The following WDR44 variants were observed in gnomAD, a reference collection of about 807,000 sequenced individuals.
WDR44 encodes WD repeat-containing protein 44.
WDR44 carries 9 observed loss-of-function variants against 65.7 expected under a neutral mutation model. That is an observed-to-expected ratio of 0.14 (90% confidence interval 0.08 to 0.24). The LOEUF is 0.24. Among genes scored for constraint, WDR44 ranks in the 10% least tolerant of loss-of-function variants. The pLI is 1.00. For synonymous variants in WDR44, 220 were observed against 235.2 expected, an observed-to-expected ratio of 0.94 and a Z score of 0.59; for missense variants, 425 against 670.9, an observed-to-expected ratio of 0.63 and a Z score of 4.05.
intron 1 of WDR44, among the ~76,000 whole-genome samples, chrX:118,367,127 A>G (rs1488933715): frequency 8.9e-6 from 1 of 112,212 alleles, no homozygotes; most frequent in Non-Finnish European, 1.9e-5. Context: ...ATTTGCTTCA[A>G]AATAATCTGG....
intron 14 of WDR44, among the ~76,000 whole-genome samples, chrX:118,438,183 C>CGTGA (rs375624628): frequency 1.1e-4 from 12 of 111,111 alleles, no homozygotes; most frequent in African/African-American, 3.9e-4. Context: ...ACCTTTATCA[C>CGTGA]ACACAAAAAA....
intron 12 of WDR44, among the ~76,000 whole-genome samples, chrX:118,412,918 TC>T (rs1169533108): frequency 9.0e-6 from 1 of 111,642 alleles, no homozygotes; most frequent in African/African-American, 3.3e-5. Flanking sequence ...ATAGTTTAGC[TC>T]CCACATATCA....
At chrX:118,364,584 C>T (rs1188571978) in intron 1 of WDR44, among the ~76,000 whole-genome samples, 1 of 112,212 alleles carries the variant, frequency 8.9e-6, no homozygotes, top group Non-Finnish European at 1.9e-5. Context: ...AAGTGCCTGG[C>T]ACATGGTAGA....
intron 1 of WDR44, among the ~76,000 whole-genome samples, chrX:118,352,352 A>ATATATATATATATGTATAT (rs1357425730): frequency 7.0e-5 from 1 of 14,224 alleles, no homozygotes; most frequent in Non-Finnish European, 1.0e-4. Flanking sequence ...ATATATATAT[A>ATATATATATATATGTATAT]TTTTTTTTTT....
Position 118,404,335 on chromosome X carries a change from A to T in WDR44, c.1275-3A>T. ...AGTTGATACTTTTTTCATTTTTGTT[A>T]AGGACTCAACTAAAGAAGTTTCTTG... is the stretch of plus-strand genomic sequence containing the variant. On this transcript the variant is annotated splice_polypyrimidine_tract_variant and splice_region_variant and intron_variant, in intron 8 of 19. Transcript: ENST00000254029. The T allele has an allele frequency of 4.2e-6, 5 of 1,186,259 alleles. No individual in the cohort carries two copies. The highest frequency in any genetic ancestry group is 1.8e-5 in the African/African-American group (1 of 56,864).
chrX:118,400,967 A>G (rs1200163373), intron 8 of WDR44, among the ~76,000 whole-genome samples: 1 of 86,617 alleles, frequency 1.2e-5, no homozygotes, highest in Non-Finnish European at 2.2e-5. Context: ...ATGATTTCCA[A>G]TTTCATCCAT....
intron 1 of WDR44, among the ~76,000 whole-genome samples, chrX:118,362,709 A>G (rs976059200): frequency 1.9e-4 from 21 of 110,048 alleles, no homozygotes; most frequent in Non-Finnish European, 2.1e-4. Context: ...TGGCCATGCA[A>G]TTCTTCCTGC....
chrX:118,427,328 T>C (rs2057166073), intron 12 of WDR44, among the ~76,000 whole-genome samples: 1 of 105,958 alleles, frequency 9.4e-6, no homozygotes, highest in African/African-American at 3.5e-5. Flanking sequence ...TGGAGTGCAG[T>C]GGCGCGATCT....
intron 1 of WDR44, among the ~76,000 whole-genome samples, chrX:118,349,256 T>C (rs963357713): frequency 1.8e-5 from 2 of 109,993 alleles, no homozygotes; most frequent in African/African-American, 6.6e-5. Context: ...CTTTTCTTTT[T>C]TTTTTTTTCC....
intron 2 of WDR44, among the ~76,000 whole-genome samples, chrX:118,381,721 C>T (rs1174252092): frequency 1.5e-4 from 16 of 107,036 alleles, no homozygotes; most frequent in Non-Finnish European, 2.9e-4. Flanking sequence ...TATAGGCGCC[C>T]GCCACCACAC....
chrX:118,368,467 ATATATATATATATACT>A (rs1190823665), intron 1 of WDR44, among the ~76,000 whole-genome samples: 2 of 95,055 alleles, frequency 2.1e-5, no homozygotes, highest in Non-Finnish European at 4.0e-5. Context: ...GACTATATAT[ATATATATATATATACT>A]TCTTGAGGAC....
intron 7 of WDR44, 103 bp from the exon 8 acceptor site, chrX:118,398,284 A>C: frequency 1.9e-6 from 1 of 531,776 alleles, no homozygotes; most frequent in Non-Finnish European, 3.1e-6. Flanking sequence ...TTATTAGCGT[A>C]GTTTTTCTTA....
At chrX:118,440,252 G>A (rs1003563633) in intron 14 of WDR44, among the ~76,000 whole-genome samples, 6 of 110,670 alleles carry the variant, frequency 5.4e-5, no homozygotes, top group South Asian at 3.9e-4. Context: ...TTTGTTACAC[G>A]GGGGAGAGTA....
At chrX:118,420,860 T>G (rs972061053) in intron 12 of WDR44, among the ~76,000 whole-genome samples, 2 of 112,563 alleles carry the variant, frequency 1.8e-5, no homozygotes, top group African/African-American at 6.5e-5. Flanking sequence ...ACATCATAGG[T>G]ACTTTTATAC....
chrX:118,439,610 A>G (rs1369391057), intron 14 of WDR44, among the ~76,000 whole-genome samples: 1 of 111,092 alleles, frequency 9.0e-6, no homozygotes, highest in Non-Finnish European at 1.9e-5. Context: ...AGATACACAT[A>G]CATAGATGTA....
chrX:118,437,324 A>G (rs1407599476), intron 14 of WDR44, among the ~76,000 whole-genome samples: 4 of 112,156 alleles, frequency 3.6e-5, no homozygotes, highest in Admixed American at 1.9e-4. Flanking sequence ...CCCAGAAATA[A>G]AGTATTTCAT....
At chrX:118,436,178 C>G (rs1195651188) in intron 13 of WDR44, among the ~76,000 whole-genome samples, 2 of 112,214 alleles carry the variant, frequency 1.8e-5, no homozygotes, top group African/African-American at 6.5e-5. Flanking sequence ...TTGACAATTT[C>G]TATTCTCTAA....
intron 9 of WDR44, among the ~76,000 whole-genome samples, chrX:118,406,507 A>G (rs2056969070): frequency 8.9e-6 from 1 of 112,176 alleles, no homozygotes; most frequent in Non-Finnish European, 1.9e-5. Context: ...GTTTTATTTA[A>G]TGAAACTTAC....
intron 10 of WDR44, among the ~76,000 whole-genome samples, chrX:118,408,115 T>TA (rs1189321724): frequency 8.9e-6 from 1 of 112,258 alleles, no homozygotes; most frequent in East Asian, 2.8e-4. Flanking sequence ...GACTCATTTT[T>TA]AATACACTTG....
Sources: gnomAD v4.1 joint callset for allele counts (sites outside exome capture counted in the v4.1 genomes callset) on GRCh38, gnomAD v4.1.1 for gene constraint, MANE v1.5 for transcripts, NCBI Gene and HGNC (gene_info 2026-07-23, HGNC 2026-07-21) for gene names.